ANKRD6: variants seen among roughly 807,000 people sequenced by gnomAD.
ANKRD6 encodes ankyrin repeat domain 6.
A neutral mutation model predicts 82.3 loss-of-function variants in ANKRD6; 56 were observed. The observed-to-expected ratio is 0.68, with a 90% CI of 0.55 to 0.85. ANKRD6 has a LOEUF of 0.85. Among genes scored for constraint, ANKRD6 ranks in the 40% least tolerant of loss-of-function variants. The probability of loss-of-function intolerance (pLI) is 0.00; values close to 1 mark genes in which losing one functional copy is unlikely to be tolerated. For synonymous variants in ANKRD6, 347 were observed against 352.1 expected, an observed-to-expected ratio of 0.99 and a Z score of 0.16; for missense variants, 852 against 907.6, an observed-to-expected ratio of 0.94 and a Z score of 0.79.
intron 2 of ANKRD6, among the ~76,000 whole-genome samples, chr6:89,588,686 A>T (rs563282675): frequency 6.6e-6 from 1 of 152,200 alleles, no homozygotes; most frequent in Non-Finnish European, 1.5e-5. Flanking sequence ...CTTCTGCCCC[A>T]GGTCTCCTTT....
chr6:89,620,110 C>T (rs1167366536), intron 9 of ANKRD6: 1 of 152,268 alleles, frequency 6.6e-6, no homozygotes, highest in African/African-American at 2.4e-5. Context: ...CCTTGGCCTC[C>T]CAAAGTGCTG....
rs779564004 is a variant in ANKRD6 at position 89,617,921 on chromosome 6, C to T, written c.715-33C>T. On this transcript the variant is annotated intron_variant, in intron 8 of 15. Coordinates refer to ENST00000339746, the MANE Select transcript of ANKRD6 (RefSeq NM_001242809.2). ...CTATGTGCGTGTGGGACCCGTGGCC[C>T]TTTCTCACCTGTCCTACTCTGCCTC... The T allele has an allele frequency of 3.7e-6, 6 of 1,609,428 alleles. No homozygotes were observed. The South Asian group carries it at 4.4e-5, about 12-fold the overall frequency.
chr6:89,483,904 C>G (rs1276514723), intron 1 of ANKRD6, among the ~76,000 whole-genome samples: 3 of 152,108 alleles, frequency 2.0e-5, no homozygotes, highest in Non-Finnish European at 4.4e-5. Context: ...CTCTCTCTCT[C>G]TGTCTCTCTC....
chr6:89,436,386 A>G (rs1037486215), intron 1 of ANKRD6, among the ~76,000 whole-genome samples: 6 of 152,210 alleles, frequency 3.9e-5, no homozygotes, highest in African/African-American at 7.2e-5. Context: ...TGAAACTGCA[A>G]ACTACCTCCA....
intron 9 of ANKRD6, among the ~76,000 whole-genome samples, chr6:89,620,747 GT>G (rs1563111316): frequency 6.6e-6 from 1 of 152,036 alleles, no homozygotes; most frequent in African/African-American, 2.4e-5. Flanking sequence ...ACGACTCCCC[GT>G]TTTTCTTTCT....
At chr6:89,558,271 T>C (rs1264201162) in intron 1 of ANKRD6, among the ~76,000 whole-genome samples, 1 of 152,220 alleles carries the variant, frequency 6.6e-6, no homozygotes, top group Non-Finnish European at 1.5e-5. Context: ...CACATGAATG[T>C]TTATAGCATT....
In ANKRD6 at chr6:89,630,952, G is replaced by C; in HGVS notation, c.2132G>C (p.Ser711Thr). ...DKATLKEHIK[S>T]LEEELAKLRT... ...GCTACATTGAAGGAACACATTAAAA[G>C]TTTAGAAGAGGAACTTGCCAAACTA... The change falls in exon 16 of 16, where the codon AGT (serine) becomes ACT (threonine). Residue 711 changes from serine (S) to threonine (T), a missense_variant. Transcript: ENST00000339746. 1 of 1,595,722 alleles carries C rather than the reference G, an allele frequency of 6.3e-7. No individual in the cohort carries two copies. The highest frequency in any genetic ancestry group is 1.1e-5 in the South Asian group (1 of 88,326).
chr6:89,479,123 T>A (rs545643375), intron 1 of ANKRD6, among the ~76,000 whole-genome samples: 1 of 152,320 alleles, frequency 6.6e-6, no homozygotes, highest in East Asian at 1.9e-4. Context: ...TAGATTGGCA[T>A]GTGCATAAAG....
At chr6:89,530,357 C>T (rs1289271411) in intron 1 of ANKRD6, among the ~76,000 whole-genome samples, 2 of 151,628 alleles carry the variant, frequency 1.3e-5, no homozygotes, top group Non-Finnish European at 2.9e-5. Context: ...ATACGACTTG[C>T]TCAAGGTAAG....
Position 89,621,955 on chromosome 6 carries a change from A to G in ANKRD6, c.826A>G (p.Lys276Glu). Reference sequence around the variant, plus strand: ...CTTCAGTCGTGGGCGAAGCCTGAGGAAAAAGAGAGAGAGGCTCAAGGAAGA... The same window carrying G: ...CTTCAGTCGTGGGCGAAGCCTGAGGGAAAAGAGAGAGAGGCTCAAGGAAGA... ...LRFSRGRSLR[K>E]KRERLKEERR... Residue 276 changes from lysine (K) to glutamate (E), a missense_variant, in exon 10 of 16, where the codon AAA becomes GAA. Coordinates refer to ENST00000339746, the MANE Select transcript of ANKRD6 (RefSeq NM_001242809.2). The G allele has an allele frequency of 6.2e-7, 1 of 1,613,824 alleles. No homozygotes were observed. The highest frequency in any genetic ancestry group is 1.7e-5 in the Admixed American group (1 of 60,026).
chr6:89,517,604 T>A (rs1403106856), intron 1 of ANKRD6, among the ~76,000 whole-genome samples: 2 of 152,178 alleles, frequency 1.3e-5, no homozygotes, highest in East Asian at 3.8e-4. Flanking sequence ...TATGAAAAAA[T>A]TTGGACCTAT....
chr6:89,435,820 T>C (rs1288291510), intron 1 of ANKRD6, among the ~76,000 whole-genome samples: 1 of 152,250 alleles, frequency 6.6e-6, no homozygotes, highest in Admixed American at 6.5e-5. Flanking sequence ...ATTTGAAGGA[T>C]TAAGCTAAGA....
At chr6:89,488,225 T>C (rs1777588765) in intron 1 of ANKRD6, among the ~76,000 whole-genome samples, 1 of 152,216 alleles carries the variant, frequency 6.6e-6, no homozygotes, top group African/African-American at 2.4e-5. Context: ...TTTCATTTTG[T>C]TCTCAGCAGT....
intron 1 of ANKRD6, among the ~76,000 whole-genome samples, chr6:89,444,411 T>G (rs1771803714): frequency 6.6e-6 from 1 of 152,226 alleles, no homozygotes; most frequent in South Asian, 2.1e-4. Context: ...GTACTCAATA[T>G]GATTGAAGTT....
At chr6:89,499,110 G>T (rs139388556) in intron 1 of ANKRD6, among the ~76,000 whole-genome samples, 5 of 152,180 alleles carry the variant, frequency 3.3e-5, no homozygotes, top group African/African-American at 1.2e-4. Context: ...CATATCTAAG[G>T]TAGAAAAAGA....
At chr6:89,581,829 G>A (rs1370270816) in intron 2 of ANKRD6, among the ~76,000 whole-genome samples, 2 of 152,240 alleles carry the variant, frequency 1.3e-5, no homozygotes, top group Non-Finnish European at 2.9e-5. Flanking sequence ...GCAAGGGCAG[G>A]AGCCCATGCA....
rs532443762 is a variant in ANKRD6 at position 89,457,340 on chromosome 6, G to GGAGAC, written c.-144+23966_-144+23970dup. On this transcript the variant is annotated intron_variant, in intron 1 of 15. Transcript: ENST00000339746. ...CCTCAGGATTATTGGAAACTGTCTT[G>GGAGAC]GAGACAGACTACCATAAATTGGAGT... Among the ~76,000 whole-genome samples, 56 of 152,262 alleles carry GGAGAC rather than the reference G, an allele frequency of 3.7e-4. No homozygotes were observed. The South Asian group carries it at 0.011, about 31-fold the overall frequency.
intron 6 of ANKRD6, among the ~76,000 whole-genome samples, 196 bp from the exon 7 acceptor site, chr6:89,613,596 G>A (rs908226197): frequency 6.6e-6 from 1 of 152,238 alleles, no homozygotes; most frequent in African/African-American, 2.4e-5. Context: ...TGCACAGGCA[G>A]AAAGGGAGCA....
At chr6:89,622,628 CTG>C (rs1319595867) in intron 10 of ANKRD6, among the ~76,000 whole-genome samples, 1 of 152,232 alleles carries the variant, frequency 6.6e-6, no homozygotes, top group African/African-American at 2.4e-5. Flanking sequence ...GGCAGACCCA[CTG>C]TGCACAGGGC....
Sources: gnomAD v4.1 joint callset for allele counts (sites outside exome capture counted in the v4.1 genomes callset) on GRCh38, gnomAD v4.1.1 for gene constraint, MANE v1.5 for transcripts, NCBI Gene and HGNC (gene_info 2026-07-23, HGNC 2026-07-21) for gene names.